The following SAMD12 variants were observed in gnomAD, a reference collection of about 807,000 sequenced individuals.
SAMD12 encodes sterile alpha motif domain-containing protein 12.
A neutral mutation model predicts 15.0 loss-of-function variants in SAMD12; 9 were observed. That is an observed-to-expected ratio of 0.60 (90% CI 0.36 to 1.05). The LOEUF (loss-of-function observed/expected upper bound fraction) is 1.05, where lower values mean the gene tolerates loss of function less well. Ranked by LOEUF, SAMD12 falls within the 50% of genes least tolerant of loss-of-function variation. SAMD12 has a pLI of 0.01. For synonymous variants in SAMD12, 86 were observed against 90.1 expected, an observed-to-expected ratio of 0.96 and a Z score of 0.25; for missense variants, 230 against 234.2, an observed-to-expected ratio of 0.98 and a Z score of 0.12.
rs1000621167 is a variant in SAMD12 at position 118,378,570 on chromosome 8, C to T, written c.*847G>A. 8 of 985,212 alleles carry T rather than the reference C, an allele frequency of 8.1e-6. No individual in the cohort carries two copies. The South Asian group carries it at 3.8e-4, about 46-fold the overall frequency. 61.0% of individuals were successfully genotyped at this position (985,212 alleles called of 1,614,324 possible). A position where few individuals can be genotyped will look rare whatever the true frequency, so the allele number is the denominator to read the frequency against. On this transcript the variant is annotated 3_prime_UTR_variant, in exon 4 of 4. Coordinates refer to ENST00000314727, the MANE Select transcript of SAMD12 (RefSeq NM_207506.3). ...GCAAATGGACTATTACTAGGTTAAT[C>T]TAAATGCAATAACATGAAACTTGGC...
chr8:118,224,701 G>A (rs777105568), intron 4 of SAMD12, among the ~76,000 whole-genome samples: 6 of 152,180 alleles, frequency 3.9e-5, no homozygotes, highest in Non-Finnish European at 5.9e-5. Flanking sequence ...AGCTTCCAGA[G>A]GCTGGCTTTT....
At chr8:118,396,708 C>T (rs1206606940) in intron 3 of SAMD12, among the ~76,000 whole-genome samples, 5 of 152,186 alleles carry the variant, frequency 3.3e-5, no homozygotes, top group African/African-American at 7.2e-5. Context: ...AGGAAGGCTG[C>T]GCCTGTTTAG....
At chr8:118,360,914 A>C (rs1488750149) in intron 4 of SAMD12, among the ~76,000 whole-genome samples, 1 of 152,168 alleles carries the variant, frequency 6.6e-6, no homozygotes, top group African/African-American at 2.4e-5. Context: ...GAAGGGTTTA[A>C]ATCTCAAAAT....
chr8:118,602,961 T>C (rs1436717682), intron 1 of SAMD12, among the ~76,000 whole-genome samples: 1 of 152,026 alleles, frequency 6.6e-6, no homozygotes, highest in African/African-American at 2.4e-5. Context: ...TGATAATCAA[T>C]AAAAAATAGA....
chr8:118,160,121 T>C, the SAMD12 span, among the ~76,000 whole-genome samples: 1 of 152,256 alleles, frequency 6.6e-6, no homozygotes, highest in African/African-American at 2.4e-5. Context: ...TCTAGGAATG[T>C]AAAAATATAT....
At chr8:118,413,785 C>T (rs1201123124) in intron 3 of SAMD12, among the ~76,000 whole-genome samples, 2 of 152,102 alleles carry the variant, frequency 1.3e-5, no homozygotes, top group Non-Finnish European at 2.9e-5. Context: ...AAAGAAGAAG[C>T]TATAGCTCTT....
intron 4 of SAMD12, among the ~76,000 whole-genome samples, chr8:118,297,842 T>C (rs1345915597): frequency 1.3e-5 from 2 of 152,190 alleles, no homozygotes; most frequent in African/African-American, 4.8e-5. Flanking sequence ...ATTTTTTAAA[T>C]AATGTAATGT....
At chr8:118,537,629 A>T (rs1482160346) in intron 2 of SAMD12, among the ~76,000 whole-genome samples, 1 of 152,262 alleles carries the variant, frequency 6.6e-6, no homozygotes, top group Middle Eastern at 3.4e-3. Context: ...TTGATTTTTT[A>T]AAAATTATTT....
chr8:118,411,574 G>T (rs545701007), intron 3 of SAMD12, among the ~76,000 whole-genome samples: 55 of 152,128 alleles, frequency 3.6e-4, no homozygotes, highest in African/African-American at 1.3e-3. Flanking sequence ...TAAGGGCATT[G>T]TCCCAAAGCA....
chr8:118,424,892 A>G (rs1822173794), intron 3 of SAMD12, among the ~76,000 whole-genome samples: 1 of 152,052 alleles, frequency 6.6e-6, no homozygotes, highest in African/African-American at 2.4e-5. Flanking sequence ...CAGGCTCTGT[A>G]AGGATGGGAA....
intron 2 of SAMD12, among the ~76,000 whole-genome samples, chr8:118,465,598 G>C (rs1452339344): frequency 6.6e-6 from 1 of 152,270 alleles, no homozygotes; most frequent in Admixed American, 6.5e-5. Context: ...TCATGACCCT[G>C]TCAAGGGCTG....
At chr8:118,430,348 A>G (rs1198455492) in intron 3 of SAMD12, among the ~76,000 whole-genome samples, 1 of 148,254 alleles carries the variant, frequency 6.7e-6, no homozygotes, top group Non-Finnish European at 1.5e-5. Flanking sequence ...GGAGAATGTA[A>G]CCCTGTATCA....
intron 2 of SAMD12, among the ~76,000 whole-genome samples, chr8:118,529,845 G>A (rs891913143): frequency 6.6e-6 from 1 of 152,164 alleles, no homozygotes; most frequent in African/African-American, 2.4e-5. Flanking sequence ...ACATACGAGT[G>A]CAGGTATCTT....
intron 4 of SAMD12, among the ~76,000 whole-genome samples, chr8:118,239,546 T>A (rs1812520757): frequency 6.6e-6 from 1 of 152,124 alleles, no homozygotes; most frequent in African/African-American, 2.4e-5. Flanking sequence ...ACCAGTTTCC[T>A]CCCAGCAAAT....
chr8:118,371,733 A>T lies in SAMD12; in HGVS notation c.433+7827T>A, dbSNP rs189388332. ...GAAAAATAAGAATCTGTAGTTTCAG[A>T]GAGGTCTAAAACGTAAATCTGAGAG... is the stretch of plus-strand genomic sequence containing the variant. On this transcript the variant is annotated intron_variant, in intron 4 of 4. Coordinates refer to the SAMD12 transcript ENST00000409003. 1.5e-3 allele frequency among the ~76,000 whole-genome samples: 232 copies of T among 151,720 alleles called. 3 individuals are homozygous for T. The highest frequency in any genetic ancestry group is 6.5e-3 in the South Asian group (31 of 4,734).
At chr8:118,171,922 G>A in the SAMD12 span, among the ~76,000 whole-genome samples, 2 of 152,010 alleles carry the variant, frequency 1.3e-5, no homozygotes, top group African/African-American at 2.4e-5. Flanking sequence ...GCACATATAC[G>A]CCATAAAAAA....
At chr8:118,397,323 C>T (rs965807416) in intron 3 of SAMD12, among the ~76,000 whole-genome samples, 1 of 152,064 alleles carries the variant, frequency 6.6e-6, no homozygotes, top group Non-Finnish European at 1.5e-5. Context: ...AGGACACTCC[C>T]AAGGGGCGAC....
intron 4 of SAMD12, among the ~76,000 whole-genome samples, chr8:118,210,750 T>C (rs1331944998): frequency 6.6e-6 from 1 of 152,202 alleles, no homozygotes; most frequent in African/African-American, 2.4e-5. Flanking sequence ...TCTACTTCTT[T>C]CTTCATCCTT....
intron 3 of SAMD12, among the ~76,000 whole-genome samples, chr8:118,382,370 A>T (rs1454876748): frequency 6.6e-6 from 1 of 152,200 alleles, no homozygotes; most frequent in African/African-American, 2.4e-5. Context: ...AAGGCATCAG[A>T]GCGAGGGTTT....
Sources: gnomAD v4.1 joint callset for allele counts (sites outside exome capture counted in the v4.1 genomes callset) on GRCh38, gnomAD v4.1.1 for gene constraint, MANE v1.5 for transcripts, NCBI Gene and HGNC (gene_info 2026-07-23, HGNC 2026-07-21) for gene names.